Variants in ANTXR1 observed in about 807,000 individuals in gnomAD.
The protein encoded by ANTXR1 is anthrax toxin receptor 1.
ANTXR1 carries 19 observed loss-of-function variants against 78.1 expected under a neutral mutation model. The observed-to-expected ratio is 0.24, with a 90% confidence interval of 0.17 to 0.36. The LOEUF (loss-of-function observed/expected upper bound fraction) is 0.36, where lower values mean the gene tolerates loss of function less well. Among genes scored for constraint, ANTXR1 ranks in the 10% least tolerant of loss-of-function variants. ANTXR1 has a pLI of 1.00. For missense variants in ANTXR1, 518 were observed against 718.6 expected (o/e 0.72, Z 3.19); for synonymous variants, 273 against 260.5 (o/e 1.05, Z -0.46).
At chr2:69,085,915 A>G (rs930875124) in intron 8 of ANTXR1, among the ~76,000 whole-genome samples, 2 of 152,190 alleles carry the variant, frequency 1.3e-5, no homozygotes, top group African/African-American at 4.8e-5. Flanking sequence ...AACAGATGTA[A>G]ATGGTCGGTA....
At chr2:69,235,450 G>A (rs1228479024) in intron 17 of ANTXR1, among the ~76,000 whole-genome samples, 1 of 151,866 alleles carries the variant, frequency 6.6e-6, no homozygotes, top group Non-Finnish European at 1.5e-5. Flanking sequence ...AGGAGTTTGA[G>A]ACCAGCCTGG....
At chr2:69,185,375 A>G (rs763964339) in intron 16 of ANTXR1, among the ~76,000 whole-genome samples, 30 of 151,994 alleles carry the variant, frequency 2.0e-4, no homozygotes, top group Non-Finnish European at 3.4e-4. Context: ...CCCTGTCTCT[A>G]CTAAAAATAC....
chr2:69,050,895 T>C (rs1427351369), intron 3 of ANTXR1, among the ~76,000 whole-genome samples: 1 of 152,216 alleles, frequency 6.6e-6, no homozygotes, highest in Admixed American at 6.5e-5. Context: ...TTCTGTTTTA[T>C]ATATTGTTAG....
At chr2:69,134,242 A>T (rs1209012803) in intron 12 of ANTXR1, among the ~76,000 whole-genome samples, 8 of 152,232 alleles carry the variant, frequency 5.3e-5, no homozygotes, top group South Asian at 2.1e-4. Context: ...ACGGTATGTT[A>T]TGTAGAATAT....
intron 17 of ANTXR1, among the ~76,000 whole-genome samples, chr2:69,224,478 T>C (rs1675393919): frequency 6.6e-6 from 1 of 152,148 alleles, no homozygotes; most frequent in African/African-American, 2.4e-5. Flanking sequence ...TCACCCTTTT[T>C]CCTCCCTATT....
chr2:69,073,977 T>G (rs1423681775), intron 6 of ANTXR1, among the ~76,000 whole-genome samples: 1 of 152,214 alleles, frequency 6.6e-6, no homozygotes, highest in Admixed American at 6.5e-5. Flanking sequence ...TAAATTCAGC[T>G]CTTTCCACAA....
chr2:69,196,997 C>T (rs574953556), intron 17 of ANTXR1, among the ~76,000 whole-genome samples: 2 of 152,182 alleles, frequency 1.3e-5, no homozygotes, highest in East Asian at 3.9e-4. Flanking sequence ...GAGCCACCGC[C>T]CTTCCCTGGG....
At chr2:69,029,060 T>C (rs919169709) in intron 1 of ANTXR1, among the ~76,000 whole-genome samples, 7 of 144,194 alleles carry the variant, frequency 4.9e-5, no homozygotes, top group African/African-American at 1.8e-4. Context: ...CCTCCATCTC[T>C]ACTAAAAATA....
At chr2:69,197,520 T>G (rs1674693047) in intron 17 of ANTXR1, among the ~76,000 whole-genome samples, 1 of 152,224 alleles carries the variant, frequency 6.6e-6, no homozygotes, top group South Asian at 2.1e-4. Flanking sequence ...GTACCTTTGC[T>G]AGGTTTCTCT....
intron 17 of ANTXR1, among the ~76,000 whole-genome samples, chr2:69,243,923 A>G (rs1039192772): frequency 2.0e-5 from 3 of 152,206 alleles, no homozygotes; most frequent in African/African-American, 7.2e-5. Context: ...GAACAATAAG[A>G]TACCCCACAG....
chr2:69,114,157 C>T (rs958084074), intron 10 of ANTXR1, among the ~76,000 whole-genome samples: 1 of 152,178 alleles, frequency 6.6e-6, no homozygotes, highest in Non-Finnish European at 1.5e-5. Flanking sequence ...AATAGTATTT[C>T]CCAAGACATT....
chr2:69,236,316 ATGTG>A (rs946987594), intron 17 of ANTXR1, among the ~76,000 whole-genome samples: 21 of 152,176 alleles, frequency 1.4e-4, no homozygotes, highest in African/African-American at 1.9e-4. Context: ...GTGTATATAT[ATGTG>A]TGTATGTGTG....
rs568520298 is a variant in ANTXR1, at chr2:69,214,152, T to C, written c.1434+20737T>C. 3.5e-4 allele frequency among the ~76,000 whole-genome samples: 54 copies of C among 152,324 alleles called. 1 individual carries two copies. The South Asian group carries it at 5.2e-3, about 15-fold the overall frequency. ...CATAACAGCCTGGTCCAGGAGAGCA[T>C]TTCTGGGTCCTGTGAAGAGGAAGAA... On this transcript the variant is annotated intron_variant, in intron 17 of 17. Transcript: ENST00000303714.
chr2:69,239,288 G>T (rs1456406490), intron 17 of ANTXR1, among the ~76,000 whole-genome samples: 1 of 152,206 alleles, frequency 6.6e-6, no homozygotes, highest in Non-Finnish European at 1.5e-5. Context: ...TTTGATGGAG[G>T]CCAGGTGCGG....
At chr2:69,030,032 T>C (rs1016818017) in intron 1 of ANTXR1, among the ~76,000 whole-genome samples, 4 of 152,226 alleles carry the variant, frequency 2.6e-5, no homozygotes, top group African/African-American at 9.6e-5. Context: ...ACTCCTCTTT[T>C]CTTCCAAGTC....
At chr2:69,190,299 G>A (rs1335409544) in intron 16 of ANTXR1, among the ~76,000 whole-genome samples, 1 of 152,228 alleles carries the variant, frequency 6.6e-6, no homozygotes, top group Non-Finnish European at 1.5e-5. Flanking sequence ...CAATTTGGGT[G>A]GAGTGATTGG....
chr2:69,125,225 G>C (rs1672493959), intron 12 of ANTXR1, among the ~76,000 whole-genome samples: 1 of 152,218 alleles, frequency 6.6e-6, no homozygotes, highest in Admixed American at 6.5e-5. Context: ...TGAGGCAAGA[G>C]CGGGGACTGC....
intron 17 of ANTXR1, among the ~76,000 whole-genome samples, chr2:69,226,061 T>C (rs1314195011): frequency 6.6e-6 from 1 of 152,088 alleles, no homozygotes; most frequent in Non-Finnish European, 1.5e-5. Flanking sequence ...TCCATTGCAT[T>C]CCTCTGCCTC....
At chr2:69,124,891 A>G (rs575392599) in intron 12 of ANTXR1, among the ~76,000 whole-genome samples, 50 of 152,280 alleles carry the variant, frequency 3.3e-4, no homozygotes, top group African/African-American at 5.3e-4. Flanking sequence ...GGGGAGATCT[A>G]AAGTCACTGG....
Sources: gnomAD v4.1 joint callset for allele counts (sites outside exome capture counted in the v4.1 genomes callset) on GRCh38, gnomAD v4.1.1 for gene constraint, MANE v1.5 for transcripts, NCBI Gene and HGNC (gene_info 2026-07-23, HGNC 2026-07-21) for gene names.